MBD5: variants seen among roughly 807,000 people sequenced by gnomAD.
MBD5 encodes methyl-CpG-binding domain protein 5.
Under a neutral mutation model 117.3 loss-of-function variants are expected in MBD5, and 13 were observed. The observed-to-expected ratio is 0.11, with a 90% CI of 0.07 to 0.18. MBD5 has a LOEUF of 0.18. Among genes scored for constraint, MBD5 ranks in the 10% least tolerant of loss-of-function variants. The pLI, the probability that MBD5 is intolerant of heterozygous loss-of-function variation, is 1.00. For missense variants in MBD5, 1,879 were observed against 2,093.8 expected, an observed-to-expected ratio of 0.90 and a Z score of 2.00; for synonymous variants, 727 against 766.4, an observed-to-expected ratio of 0.95 and a Z score of 0.85.
chr2:148,260,975 C>G (rs1700718435), intron 3 of MBD5, among the ~76,000 whole-genome samples: 2 of 152,196 alleles, frequency 1.3e-5, no homozygotes, highest in South Asian at 4.1e-4. Flanking sequence ...GCTAGGTGCA[C>G]TGTCAATGAG....
intron 4 of MBD5, among the ~76,000 whole-genome samples, chr2:148,394,339 T>C (rs1336162718): frequency 6.6e-6 from 1 of 152,134 alleles, no homozygotes; most frequent in Non-Finnish European, 1.5e-5. Flanking sequence ...CTGAGATGGG[T>C]GGTCTTTGGC....
intron 1 of MBD5, among the ~76,000 whole-genome samples, chr2:148,128,498 GACTGTCCTTTTTTGTTCATACC>G (rs1426275067): frequency 1.3e-5 from 2 of 152,054 alleles, no homozygotes; most frequent in Non-Finnish European, 2.9e-5. Context: ...TTCTTTGTGG[GACTGTCCTTTTTTGTTCATACC>G]ACATTTCTAT....
chr2:148,398,275 G>A lies in MBD5; in HGVS notation c.-557+55939G>A, dbSNP rs544035611. Among the ~76,000 whole-genome samples, 27 of 152,298 alleles carry A rather than the reference G, an allele frequency of 1.8e-4. No individual in the cohort carries two copies. In the East Asian group the frequency reaches 4.4e-3, roughly 25 times the overall value. ...ACTAGTTTACAGCCCCACCAACAGT[G>A]TAAAAGTGTTCCTATTTTTCCACAT... On this transcript the variant is annotated intron_variant, in intron 4 of 13. Transcript: ENST00000642680.
At chr2:148,164,963 A>C (rs572297398) in intron 1 of MBD5, among the ~76,000 whole-genome samples, 24 of 152,272 alleles carry the variant, frequency 1.6e-4, no homozygotes, top group African/African-American at 5.5e-4. Context: ...TCTGTCCAAA[A>C]TATTTCTCAA....
At chr2:148,179,271 C>T (rs1389416095) in intron 2 of MBD5, among the ~76,000 whole-genome samples, 1 of 150,906 alleles carries the variant, frequency 6.6e-6, no homozygotes, top group African/African-American at 2.4e-5. Flanking sequence ...AGGAGAATGG[C>T]GTGAACCCGG....
chr2:148,041,875 T>C (rs1694369358), intron 1 of MBD5, among the ~76,000 whole-genome samples: 1 of 152,168 alleles, frequency 6.6e-6, no homozygotes, highest in Non-Finnish European at 1.5e-5. Flanking sequence ...CTTAAACAAA[T>C]AAGAAAGTCT....
chr2:148,385,978 G>A (rs1306388654), intron 4 of MBD5, among the ~76,000 whole-genome samples: 2 of 108,704 alleles, frequency 1.8e-5, no homozygotes, highest in African/African-American at 7.0e-5. Context: ...GGGGAGGGGG[G>A]AGGGATAGCA....
intron 11 of MBD5, among the ~76,000 whole-genome samples, chr2:148,495,158 G>T (rs1357213900): frequency 1.3e-5 from 2 of 152,018 alleles, no homozygotes; most frequent in African/African-American, 4.8e-5. Context: ...TCCAGATCTT[G>T]GCGTAATGTT....
intron 3 of MBD5, among the ~76,000 whole-genome samples, chr2:148,267,988 C>T (rs1304171155): frequency 6.0e-5 from 7 of 116,990 alleles, no homozygotes; most frequent in Non-Finnish European, 1.1e-4. Context: ...CTCACTTTTT[C>T]ACCCAGGCTG....
chr2:148,375,952 C>G (rs1574350347), intron 4 of MBD5, among the ~76,000 whole-genome samples: 1 of 151,786 alleles, frequency 6.6e-6, no homozygotes, highest in East Asian at 1.9e-4. Flanking sequence ...AATTTTTTAT[C>G]CTTAGCACTA....
chr2:148,301,710 G>A (rs188045852), intron 3 of MBD5, among the ~76,000 whole-genome samples: 21 of 152,292 alleles, frequency 1.4e-4, no homozygotes, highest in Admixed American at 1.2e-3. Context: ...ACTTGGGAGG[G>A]GCTATATGCA....
chr2:148,048,154 T>TC (rs967300135), intron 1 of MBD5, among the ~76,000 whole-genome samples: 1 of 152,120 alleles, frequency 6.6e-6, no homozygotes, highest in Admixed American at 6.5e-5. Flanking sequence ...TTTTACCTGT[T>TC]CAAAAAAAGG....
At chr2:148,238,081 G>A (rs990030274) in intron 3 of MBD5, among the ~76,000 whole-genome samples, 3 of 152,048 alleles carry the variant, frequency 2.0e-5, no homozygotes, top group African/African-American at 7.2e-5. Flanking sequence ...TTGAAAACAG[G>A]TTTCTTCATA....
chr2:148,317,080 G>A (rs1702172726), intron 3 of MBD5, among the ~76,000 whole-genome samples: 1 of 152,310 alleles, frequency 6.6e-6, no homozygotes, highest in Admixed American at 6.5e-5. Flanking sequence ...ATAAAGCAGT[G>A]GCTCACACCT....
intron 1 of MBD5, among the ~76,000 whole-genome samples, chr2:148,023,632 A>C (rs1239404506): frequency 6.6e-6 from 1 of 152,208 alleles, no homozygotes; most frequent in East Asian, 1.9e-4. Flanking sequence ...TAAAGGTAAG[A>C]GAGAGACAGT....
chr2:148,433,933 C>CT (rs61171923), intron 4 of MBD5, among the ~76,000 whole-genome samples: 34,080 of 145,278 alleles, frequency 0.23, 4,722 homozygotes, highest in African/African-American at 0.41. Context: ...TTTCATTTTT[C>CT]TTTTTTTTTT....
intron 1 of MBD5, among the ~76,000 whole-genome samples, chr2:148,088,725 A>G (rs1421058221): frequency 6.6e-6 from 1 of 152,196 alleles, no homozygotes; most frequent in Non-Finnish European, 1.5e-5. Flanking sequence ...ATCTTGAAAC[A>G]GAATATCAAA....
At chr2:148,073,918 G>A (rs1439237918) in intron 1 of MBD5, among the ~76,000 whole-genome samples, 2 of 152,056 alleles carry the variant, frequency 1.3e-5, no homozygotes, top group Non-Finnish European at 2.9e-5. Context: ...AGGTAAAACA[G>A]CATATCATGT....
intron 2 of MBD5, among the ~76,000 whole-genome samples, chr2:148,217,749 T>C (rs937864978): frequency 1.1e-4 from 16 of 152,114 alleles, no homozygotes; most frequent in African/African-American, 3.6e-4. Flanking sequence ...ATCAAAGCAG[T>C]CTCTTCTTTT....
Sources: allele counts gnomAD v4.1 joint callset (sites outside exome capture counted in the v4.1 genomes callset), GRCh38; gene constraint gnomAD v4.1.1; transcripts MANE v1.5; gene names NCBI Gene and HGNC (gene_info 2026-07-23, HGNC 2026-07-21).